Variants in SNX5 observed in about 807,000 individuals in gnomAD.
SNX5 encodes the protein sorting nexin 5.
In SNX5, 31 loss-of-function variants were observed where a neutral mutation model predicts 53.9. That is an observed-to-expected ratio of 0.58 (90% CI 0.43 to 0.78). The LOEUF (loss-of-function observed/expected upper bound fraction) is 0.78, where lower values mean the gene tolerates loss of function less well. Ranked by LOEUF, SNX5 falls within the 30% of genes least tolerant of loss-of-function variation. The probability of loss-of-function intolerance (pLI) is 0.00; values close to 1 mark genes in which losing one functional copy is unlikely to be tolerated. For missense variants in SNX5, 471 were observed against 478.8 expected (o/e 0.98, Z 0.15); for synonymous variants, 168 against 171.1 (o/e 0.98, Z 0.14).
At chr20:17,967,811 T>G (rs1293145249) in intron 1 of SNX5, 2 of 364,378 alleles carry the variant, frequency 5.5e-6, no homozygotes, top group East Asian at 8.2e-5. Context: ...AGACACCAAG[T>G]TCAGCAAGTA....
intron 1 of SNX5, chr20:17,961,459 G>C (rs1032799529): frequency 1.0e-6 from 1 of 985,354 alleles, no homozygotes; most frequent in Non-Finnish European, 1.2e-6. Flanking sequence ...CCAAAGAAGT[G>C]AAACTCCACA....
At chr20:17,964,266 C>T (rs907199037) in intron 1 of SNX5, among the ~76,000 whole-genome samples, 1 of 152,174 alleles carries the variant, frequency 6.6e-6, no homozygotes, top group African/African-American at 2.4e-5. Flanking sequence ...TATTCCTCAC[C>T]ATTTACCATG....
At chr20:17,949,020 G>C (rs1262601200) in intron 9 of SNX5, 44 bp from the exon 10 acceptor site, 1 of 1,603,616 alleles carries the variant, frequency 6.2e-7, no homozygotes, top group African/African-American at 1.3e-5. Context: ...GAAAGCTATA[G>C]ATTATAAAAT....
At chr20:17,956,403 A>G (rs1276946810) in intron 2 of SNX5, among the ~76,000 whole-genome samples, 5 of 152,220 alleles carry the variant, frequency 3.3e-5, no homozygotes, top group Non-Finnish European at 7.3e-5. Context: ...AGCTACAGAG[A>G]CAAACTTCCC....
chr20:17,968,072 A>G (rs1375479308), intron 1 of SNX5: 2 of 398,544 alleles, frequency 5.0e-6, no homozygotes, highest in Non-Finnish European at 4.4e-6. Context: ...AAAGTTTTAA[A>G]AAGAACATTC....
intron 1 of SNX5, among the ~76,000 whole-genome samples, chr20:17,966,713 A>G (rs1283950419): frequency 2.0e-5 from 3 of 152,236 alleles, no homozygotes; most frequent in African/African-American, 4.8e-5. Flanking sequence ...AGGGCATTTA[A>G]ACAATTTAAG....
chr20:17,955,141 T>C (rs1216841495), intron 3 of SNX5, among the ~76,000 whole-genome samples: 1 of 152,212 alleles, frequency 6.6e-6, no homozygotes, highest in African/African-American at 2.4e-5. Context: ...ATTACACTGT[T>C]CACACCCCTT....
intron 1 of SNX5, chr20:17,961,110 TA>T (rs1327419708): frequency 1.0e-6 from 1 of 984,684 alleles, no homozygotes; most frequent in Non-Finnish European, 1.2e-6. Flanking sequence ...AGGAGAAAAG[TA>T]GTTACGGAAT....
intron 2 of SNX5, among the ~76,000 whole-genome samples, chr20:17,956,697 A>AAAAAAC (rs1568594148): frequency 4.0e-4 from 50 of 126,574 alleles, no homozygotes; most frequent in African/African-American, 1.2e-3. Flanking sequence ...AAAAAAAAAA[A>AAAAAAC]AAAAAAACAA....
At chr20:17,951,299 T>G (rs1010552975) in intron 6 of SNX5, 7 of 545,400 alleles carry the variant, frequency 1.3e-5, no homozygotes, top group African/African-American at 1.1e-4. Flanking sequence ...AAGGTTCAAG[T>G]TGCTTCTCCT....
At chr20:17,946,502 T>TG (rs1486050586) in intron 11 of SNX5, among the ~76,000 whole-genome samples, 1 of 152,176 alleles carries the variant, frequency 6.6e-6, no homozygotes, top group Non-Finnish European at 1.5e-5. Context: ...AAAAATAACT[T>TG]GGTAATACAA....
At position 17,960,354 on chromosome 20, in the gene SNX5, G is replaced by A. The variant is rs1208977224; in HGVS notation, c.52-3317C>T. The stretch of plus-strand genomic sequence containing the variant: ...CTCACGCCTGTAATCCCAGCACTTT[G>A]GGAGGTGGAGGCAGCTAGATCACAA... On this transcript the variant is annotated intron_variant, in intron 1 of 12. Coordinates refer to ENST00000377759, the MANE Select transcript of SNX5 (RefSeq NM_014426.4). 2.0e-5 allele frequency among the ~76,000 whole-genome samples: 3 copies of A among 152,108 alleles called. No individual in the cohort carries two copies. The East Asian group carries it at 5.8e-4, about 30-fold the overall frequency.
intron 11 of SNX5, among the ~76,000 whole-genome samples, chr20:17,945,890 CAAG>C (rs1335294342): frequency 2.6e-5 from 4 of 152,138 alleles, no homozygotes; most frequent in African/African-American, 7.2e-5. Context: ...CACTGGGAAA[CAAG>C]AAAGTTAGGA....
rs2039440208 is a variant in SNX5 at position 17,943,109 on chromosome 20, C to A, written c.1164+1G>T. Reference sequence around the variant, plus strand: ...TGGCTTCATCTGTAGAAAACACTTACCCTGGCATGTTTTATTTCCAGTTCA... The same window carrying A: ...TGGCTTCATCTGTAGAAAACACTTAACCTGGCATGTTTTATTTCCAGTTCA... On this transcript the variant is annotated splice_donor_variant, in intron 12 of 12. Transcript: ENST00000377759. LOFTEE classifies it high-confidence loss of function. 1.3e-6 allele frequency: 2 copies of A among 1,581,978 alleles called. No individual in the cohort carries two copies. The highest frequency in any genetic ancestry group is 1.3e-5 in the African/African-American group (1 of 74,416).
At chr20:17,944,740 T>C (rs1249896031) in intron 11 of SNX5, 1 of 152,146 alleles carries the variant, frequency 6.6e-6, no homozygotes, top group Non-Finnish European at 1.5e-5. Context: ...AGAGACGGGG[T>C]TTCCCTGTGT....
At position 17,968,528 on chromosome 20, in the gene SNX5, C is replaced by T; in HGVS notation, c.-103G>A. 2 of 1,090,970 alleles carry T rather than the reference C, an allele frequency of 1.8e-6. No homozygotes were observed. The highest frequency in any genetic ancestry group is 3.6e-5 in the Admixed American group (1 of 27,596). 67.6% of individuals were successfully genotyped at this position (1,090,970 alleles called of 1,614,324 possible). A position where few individuals can be genotyped will look rare whatever the true frequency, so the allele number is the denominator to read the frequency against. ...GCGCCTCTCGGGGGCGGCCACGGCC[C>T]CGCCTCCGCCGGCCTCCCTGCCCGA... On this transcript the variant is annotated 5_prime_UTR_variant, in exon 1 of 13. Transcript: ENST00000377759.
chr20:17,966,717 AT>A, intron 1 of SNX5, among the ~76,000 whole-genome samples: 2 of 152,336 alleles, frequency 1.3e-5, no homozygotes, highest in Middle Eastern at 3.4e-3. Flanking sequence ...CATTTAAACA[AT>A]TTAAGTAACA....
At chr20:17,951,759 T>C (rs879481100) in intron 5 of SNX5, among the ~76,000 whole-genome samples, 164 bp from the exon 6 acceptor site, 1 of 152,212 alleles carries the variant, frequency 6.6e-6, no homozygotes, top group Non-Finnish European at 1.5e-5. Context: ...ACCTAATGGC[T>C]AAACCCAAAC....
chr20:17,959,499 C>G (rs2035415379), intron 1 of SNX5, among the ~76,000 whole-genome samples: 1 of 152,140 alleles, frequency 6.6e-6, no homozygotes, highest in Admixed American at 6.5e-5. Flanking sequence ...ACATTTCGCC[C>G]TAGGAAGGGA....
Sources: allele counts gnomAD v4.1 joint callset (sites outside exome capture counted in the v4.1 genomes callset), GRCh38; gene constraint gnomAD v4.1.1; transcripts MANE v1.5; gene names NCBI Gene and HGNC (gene_info 2026-07-23, HGNC 2026-07-21).